ZNF138: variants seen among roughly 807,000 people sequenced by gnomAD.
ZNF138 encodes zinc finger protein 138.
ZNF138 carries 33 observed loss-of-function variants against 33.0 expected under a neutral mutation model. The ratio of observed to expected loss-of-function variants is 1.00; its 90% CI spans 0.76 to 1.34. The LOEUF (loss-of-function observed/expected upper bound fraction) is 1.34, where lower values mean the gene tolerates loss of function less well. ZNF138 is among the 40% of genes most tolerant of loss of function. ZNF138 has a pLI of 0.00. For missense variants in ZNF138, 360 were observed against 370.8 expected, an observed-to-expected ratio of 0.97 and a Z score of 0.24; for synonymous variants, 139 against 120.4, an observed-to-expected ratio of 1.15 and a Z score of -1.01.
chr7:64,794,563 C>T lies in ZNF138; in HGVS notation c.-6C>T, dbSNP rs1360777346. 2.5e-6 allele frequency: 4 copies of T among 1,613,642 alleles called. No individual in the cohort carries two copies. The highest frequency in any genetic ancestry group is 3.3e-5 in the Admixed American group (2 of 60,022). On this transcript the variant is annotated 5_prime_UTR_variant, in exon 1 of 4. Transcript: ENST00000307355. Reference sequence around the variant, plus strand: ...TAAGACGCCAGGATCCCCCGGAAGCCTAGAAATGGTGAGAGTGCTGGGTCC... The same window carrying T: ...TAAGACGCCAGGATCCCCCGGAAGCTTAGAAATGGTGAGAGTGCTGGGTCC...
the ZNF138 span, among the ~76,000 whole-genome samples, chr7:64,841,689 C>G: frequency 1.1e-4 from 17 of 152,176 alleles, no homozygotes; most frequent in Non-Finnish European, 2.1e-4. Context: ...CACAGCCCCT[C>G]TCCCTTTTTT....
intron 3 of ZNF138, among the ~76,000 whole-genome samples, chr7:64,824,487 G>A (rs1296911802): frequency 6.6e-6 from 1 of 152,216 alleles, no homozygotes; most frequent in African/African-American, 2.4e-5. Flanking sequence ...CTATAATGTT[G>A]TCTAAGTTTT....
chr7:64,832,315 G>C lies in ZNF138; in HGVS notation c.*113G>C, dbSNP rs903478868. ...CTTATTACACATAAGATAATTCATAGCGGAGAGAAACCCCACAAATGTGAA... is the reference window on the plus strand; with the variant it reads ...CTTATTACACATAAGATAATTCATACCGGAGAGAAACCCCACAAATGTGAA... On this transcript the variant is annotated 3_prime_UTR_variant, in exon 4 of 4. Transcript: ENST00000307355. 295 of 1,576,126 alleles carry C rather than the reference G, an allele frequency of 1.9e-4. 1 individual carries two copies. The highest frequency in any genetic ancestry group is 2.5e-4 in the Non-Finnish European group (290 of 1,164,048).
At chr7:64,802,441 G>A (rs1787207911) in intron 1 of ZNF138, among the ~76,000 whole-genome samples, 1 of 152,218 alleles carries the variant, frequency 6.6e-6, no homozygotes, top group African/African-American at 2.4e-5. Flanking sequence ...ATTGTCTATA[G>A]AATGTACATT....
intron 1 of ZNF138, among the ~76,000 whole-genome samples, chr7:64,806,141 G>C (rs1364347250): frequency 6.6e-6 from 1 of 152,122 alleles, no homozygotes; most frequent in Admixed American, 6.6e-5. Flanking sequence ...AACATACAGG[G>C]TGCCAACCAA....
At chr7:64,809,725 C>T (rs1347144211) in intron 1 of ZNF138, among the ~76,000 whole-genome samples, 2 of 146,770 alleles carry the variant, frequency 1.4e-5, no homozygotes, top group Non-Finnish European at 1.5e-5. Flanking sequence ...GGCAGAGGGT[C>T]TCCTCACTTC....
the ZNF138 span, among the ~76,000 whole-genome samples, chr7:64,843,908 T>C: frequency 6.6e-6 from 1 of 152,144 alleles, no homozygotes; most frequent in Non-Finnish European, 1.5e-5. Flanking sequence ...CACTGCGTCC[T>C]TCACCTCCCC....
chr7:64,835,490 A>G (rs1790340746), downstream of ZNF138: 1 of 152,112 alleles, frequency 6.6e-6, no homozygotes, highest in South Asian at 2.1e-4. Flanking sequence ...GCATCTGTTG[A>G]ACCACAGGTG....
chr7:64,817,983 T>C (rs187405606), intron 3 of ZNF138, among the ~76,000 whole-genome samples: 1 of 144,060 alleles, frequency 6.9e-6, no homozygotes, highest in East Asian at 2.0e-4. Flanking sequence ...TAACATTATT[T>C]ATTATTATTA....
rs747655535 is a variant in ZNF138 at position 64,794,607 on chromosome 7, G to A, written c.3+36G>A. The A allele has an allele frequency of 3.1e-6, 5 of 1,613,264 alleles. No homozygotes were observed. In the East Asian group the frequency reaches 6.7e-5, roughly 22 times the overall value. Reference sequence around the variant, plus strand: ...TGGGTCCGACATCCCGAGAGAGGGGGAGGGAGCTGGTTGGAACCGGTCGGA... The same window carrying A: ...TGGGTCCGACATCCCGAGAGAGGGGAAGGGAGCTGGTTGGAACCGGTCGGA... On this transcript the variant is annotated intron_variant, in intron 1 of 3. Coordinates refer to ENST00000307355, the MANE Select transcript of ZNF138 (RefSeq NM_001271639.2).
At chr7:64,849,011 A>G in the ZNF138 span, among the ~76,000 whole-genome samples, 1 of 152,098 alleles carries the variant, frequency 6.6e-6, no homozygotes, top group Non-Finnish European at 1.5e-5. Context: ...GCTGGGGGGA[A>G]TGTTAAAGAA....
the ZNF138 span, among the ~76,000 whole-genome samples, chr7:64,843,904 G>T: frequency 1.3e-5 from 2 of 151,682 alleles, no homozygotes; most frequent in African/African-American, 4.8e-5. Context: ...GGCTCACTGC[G>T]TCCTTCACCT....
At chr7:64,796,260 C>T (rs1311672480) in intron 1 of ZNF138, among the ~76,000 whole-genome samples, 1 of 152,156 alleles carries the variant, frequency 6.6e-6, no homozygotes, top group Admixed American at 6.5e-5. Context: ...TTGGGGCAGT[C>T]ACTGAGGCAT....
chr7:64,854,136 T>C, the ZNF138 span, among the ~76,000 whole-genome samples: 1 of 152,244 alleles, frequency 6.6e-6, no homozygotes, highest in African/African-American at 2.4e-5. Flanking sequence ...TGTGAATGTA[T>C]AAAATGGTAC....
At chr7:64,839,833 C>G in the ZNF138 span, among the ~76,000 whole-genome samples, 3 of 151,928 alleles carry the variant, frequency 2.0e-5, no homozygotes, top group Non-Finnish European at 4.4e-5. Flanking sequence ...TGGAAGGGCA[C>G]CATGGATCAA....
intron 1 of ZNF138, among the ~76,000 whole-genome samples, chr7:64,798,759 CAA>C (rs1786898564): frequency 7.9e-6 from 1 of 126,496 alleles, no homozygotes; most frequent in African/African-American, 3.0e-5. Context: ...GCCTGGGCAA[CAA>C]GAGTGAAACT....
At position 64,831,470 on chromosome 7, in the gene ZNF138, C is replaced by T; in HGVS notation, c.228C>T (p.Ala76=). ...AKHSALCSRF[A]QDLWLEQNIK... is the part of the protein sequence containing the mutation. ...TTTCAGCTCTGTGTTCTCGTTTTGCCCAAGACCTTTGGCTAGAGCAGAACA... is the reference window on the plus strand; with the variant it reads ...TTTCAGCTCTGTGTTCTCGTTTTGCTCAAGACCTTTGGCTAGAGCAGAACA... The change falls in exon 4 of 4, where the codon GCC becomes GCT. Residue 76 remains alanine, a synonymous_variant. Transcript: ENST00000307355. 6.4e-7 allele frequency: 1 copy of T among 1,563,882 alleles called. No individual in the cohort carries two copies. The highest frequency in any genetic ancestry group is 8.6e-7 in the Non-Finnish European group (1 of 1,159,982).
intron 1 of ZNF138, among the ~76,000 whole-genome samples, chr7:64,810,214 G>A (rs1049950877): frequency 6.0e-5 from 9 of 149,424 alleles, no homozygotes; most frequent in Non-Finnish European, 1.0e-4. Context: ...CCGGCACCTT[G>A]GGAGGCCGAG....
the ZNF138 span, among the ~76,000 whole-genome samples, chr7:64,845,407 T>C: frequency 6.6e-6 from 1 of 152,250 alleles, no homozygotes; most frequent in Non-Finnish European, 1.5e-5. Flanking sequence ...AGTATCTTTT[T>C]TGTATAATAA....
Sources: allele counts gnomAD v4.1 joint callset (sites outside exome capture counted in the v4.1 genomes callset), GRCh38; gene constraint gnomAD v4.1.1; transcripts MANE v1.5; gene names NCBI Gene and HGNC (gene_info 2026-07-23, HGNC 2026-07-21).